SLC25A30: variants seen among roughly 807,000 people sequenced by gnomAD.
The protein encoded by SLC25A30 is solute carrier family 25 member 30.
A neutral mutation model predicts 42.7 loss-of-function variants in SLC25A30; 29 were observed. That is an observed-to-expected ratio of 0.68 (90% CI 0.51 to 0.93). The LOEUF is 0.93. SLC25A30 is among the 40% of genes least tolerant of loss of function. The pLI is 0.00. For synonymous variants in SLC25A30, 124 were observed against 131.0 expected (o/e 0.95, Z 0.37); for missense variants, 300 against 359.7 (o/e 0.83, Z 1.34).
intron 4 of SLC25A30, among the ~76,000 whole-genome samples, chr13:45,405,179 C>A (rs1464188643): frequency 6.6e-6 from 1 of 152,228 alleles, no homozygotes; most frequent in Admixed American, 6.5e-5. Context: ...CCGCCTCAGC[C>A]TCCCCAAAGC....
chr13:45,406,391 A>G (rs1882514276), intron 3 of SLC25A30, among the ~76,000 whole-genome samples: 1 of 152,186 alleles, frequency 6.6e-6, no homozygotes, highest in South Asian at 2.1e-4. Flanking sequence ...ATTTCGTAAA[A>G]TTCAAAATCC....
chr13:45,428,517 CTTTT>C, the SLC25A30 span, among the ~76,000 whole-genome samples: 315 of 92,546 alleles, frequency 3.4e-3, 4 homozygotes, highest in African/African-American at 0.013. Flanking sequence ...TTCTTTTTAA[CTTTT>C]TTTTTTTTTT....
In SLC25A30 at chr13:45,397,826, C is replaced by T. The variant is rs1031403850; in HGVS notation, c.754-488G>A. The T allele has an allele frequency of 3.0e-5, 28 of 933,478 alleles. No individual in the cohort carries two copies. The East Asian group carries it at 9.4e-4, about 31-fold the overall frequency. 57.8% of individuals were successfully genotyped at this position (933,478 alleles called of 1,614,324 possible). ...GTGGGTGGAAGACTAAGGCTCCATG[C>T]CCAACAACCCCACACGAAGGATTGA... On this transcript the variant is annotated intron_variant, in intron 8 of 9. Transcript: ENST00000519676.
chr13:45,418,960 A>C (rs1471067376), upstream of SLC25A30, among the ~76,000 whole-genome samples: 4 of 98,726 alleles, frequency 4.1e-5, no homozygotes, highest in Non-Finnish European at 5.8e-5. Flanking sequence ...AAAAAAAAAA[A>C]AAAAAAAAAA....
intron 1 of SLC25A30, among the ~76,000 whole-genome samples, chr13:45,414,359 A>G (rs1490308178): frequency 2.0e-5 from 3 of 152,072 alleles, no homozygotes. Context: ...GGCTCATGTC[A>G]GTAATCCCAG....
At chr13:45,404,247 TCA>T in intron 5 of SLC25A30, 78 bp downstream of exon 5, 1 of 979,804 alleles carries the variant, frequency 1.0e-6, no homozygotes, top group Non-Finnish European at 1.6e-6. Context: ...GATGTTACAT[TCA>T]CAGATTCCAT....
intron 1 of SLC25A30, among the ~76,000 whole-genome samples, chr13:45,415,806 T>A (rs1883473228): frequency 6.9e-6 from 1 of 145,824 alleles, no homozygotes; most frequent in African/African-American, 2.5e-5. Context: ...ATTTTTTTTT[T>A]TTTTTTTTTT....
chr13:45,425,302 A>C, the SLC25A30 span, among the ~76,000 whole-genome samples: 2 of 98,218 alleles, frequency 2.0e-5, no homozygotes, highest in South Asian at 2.7e-4. Context: ...ATATATACGT[A>C]TATATAAATA....
chr13:45,421,115 A>G (rs963787265), upstream of SLC25A30, among the ~76,000 whole-genome samples: 2 of 152,086 alleles, frequency 1.3e-5, no homozygotes, highest in Admixed American at 6.6e-5. Context: ...GTGGTGGCTC[A>G]CGTCTATAAT....
rs1170436142 is a variant in SLC25A30 at position 45,396,019 on chromosome 13, TGGTTATG to T, written c.835-11_835-5del. Reference sequence around the variant, plus strand: ...ACTGCTCGTATGTCACAAAGAACTGTGGTTATGGGTTAAGGATGACACAGAAAATGCC... The same window carrying T: ...ACTGCTCGTATGTCACAAAGAACTGTGGTTAAGGATGACACAGAAAATGCC... On this transcript the variant is annotated splice_polypyrimidine_tract_variant and splice_region_variant and intron_variant, in intron 9 of 9. Transcript: ENST00000519676. The T allele has an allele frequency of 1.9e-6, 3 of 1,614,102 alleles. No homozygotes were observed. Among genetic ancestry groups the T allele is most frequent in the Middle Eastern group, 1.6e-4 (1 of 6,084 alleles).
rs377666653 is a variant in SLC25A30 at position 45,405,986 on chromosome 13, C to G, written c.213-9G>C. On this transcript the variant is annotated splice_polypyrimidine_tract_variant and intron_variant, in intron 3 of 9. Coordinates refer to ENST00000519676, the MANE Select transcript of SLC25A30 (RefSeq NM_001010875.4). Reference sequence around the variant, plus strand: ...ACATCGCGGGGGCAATCCTGTTAAACCAATGTACAAAGGGACAAAAGCAAT... The same window carrying G: ...ACATCGCGGGGGCAATCCTGTTAAAGCAATGTACAAAGGGACAAAAGCAAT... 3.7e-6 allele frequency: 6 copies of G among 1,613,872 alleles called. No homozygotes were observed. The highest frequency in any genetic ancestry group is 4.2e-6 in the Non-Finnish European group (5 of 1,179,788).
At chr13:45,427,527 A>G in the SLC25A30 span, among the ~76,000 whole-genome samples, 1 of 152,024 alleles carries the variant, frequency 6.6e-6, no homozygotes, top group Non-Finnish European at 1.5e-5. Flanking sequence ...ACCTTCCTAA[A>G]TCATCCACGT....
chr13:45,398,668 A>G, intron 8 of SLC25A30: 1 of 282,712 alleles, frequency 3.5e-6, no homozygotes. Context: ...GTTTGACCCA[A>G]CAGGAAGAAA....
In SLC25A30 at chr13:45,393,993, TAAAA is replaced by T. The variant is rs1010761264; in HGVS notation, c.*1977_*1980del. ...TTGAAAAAGTAAAATTTTTCTACAT[TAAAA>T]AAAGAGCATTTCAAGAAAAGCAATC... On this transcript the variant is annotated 3_prime_UTR_variant, in exon 10 of 10. Coordinates refer to ENST00000519676, the MANE Select transcript of SLC25A30 (RefSeq NM_001010875.4). The T allele has an allele frequency of 4.1e-6, 4 of 984,760 alleles. No individual in the cohort carries two copies. In the African/African-American group the frequency reaches 7.0e-5, roughly 17 times the overall value. 61.0% of individuals were successfully genotyped at this position (984,760 alleles called of 1,614,324 possible). A position where few individuals can be genotyped will look rare whatever the true frequency, so the allele number is the denominator to read the frequency against.
chr13:45,396,004 T>C lies in SLC25A30; in HGVS notation c.846A>G (p.Thr282=), dbSNP rs773983121. The C allele has an allele frequency of 6.2e-7, 1 of 1,614,230 alleles. No individual in the cohort carries two copies. Among genetic ancestry groups the C allele is most frequent in the Non-Finnish European group, 8.5e-7 (1 of 1,180,024 alleles). Residue 282 remains threonine (T), a synonymous_variant, in exon 10 of 10, where the codon ACA becomes ACG. Coordinates refer to ENST00000519676, the MANE Select transcript of SLC25A30 (RefSeq NM_001010875.4). ...LGPWNIIFFV[T]YEQLKKLDL ...AATCCAATTTCTTCAACTGCTCGTATGTCACAAAGAACTGTGGTTATGGGT... is the reference window on the plus strand; with the variant it reads ...AATCCAATTTCTTCAACTGCTCGTACGTCACAAAGAACTGTGGTTATGGGT...
chr13:45,413,373 T>G (rs1269323876), intron 1 of SLC25A30, among the ~76,000 whole-genome samples: 1 of 152,196 alleles, frequency 6.6e-6, no homozygotes, highest in Non-Finnish European at 1.5e-5. Flanking sequence ...CTATTAATAA[T>G]AAATCCAATA....
intron 1 of SLC25A30, among the ~76,000 whole-genome samples, chr13:45,415,822 C>T (rs1267844291): frequency 2.1e-4 from 24 of 117,046 alleles, no homozygotes; most frequent in Non-Finnish European, 5.1e-5. Context: ...TTTTTTGAGA[C>T]TGAGTCTCGC....
In SLC25A30 at chr13:45,401,119, G is replaced by A. The variant is rs765650383; in HGVS notation, c.578C>T (p.Ser193Leu). 5 of 1,613,986 alleles carry A rather than the reference G, an allele frequency of 3.1e-6. No individual in the cohort carries two copies. The East Asian group carries it at 8.9e-5, about 29-fold the overall frequency. Residue 193 changes from serine to leucine, a missense_variant, in exon 7 of 10, where the codon TCA becomes TTA. Transcript: ENST00000519676. ...ATACACAGTGTCTCCCATCAGGCCT[G>A]AGAGAATAAGATGCTTCTTGGTGAT... ...YDITKKHLIL[S>L]GLMGDTVYTH... is the part of the protein sequence containing the mutation.
chr13:45,423,816 A>AATATATATT, the SLC25A30 span, among the ~76,000 whole-genome samples: 1 of 43,266 alleles, frequency 2.3e-5, no homozygotes, highest in Admixed American at 4.0e-4. Flanking sequence ...ATATATAAAA[A>AATATATATT]TATAAATATA....
Sources: gnomAD v4.1 joint callset for allele counts (sites outside exome capture counted in the v4.1 genomes callset) on GRCh38, gnomAD v4.1.1 for gene constraint, MANE v1.5 for transcripts, NCBI Gene and HGNC (gene_info 2026-07-23, HGNC 2026-07-21) for gene names.